The following PTK2 variants were observed in gnomAD, a reference collection of about 807,000 sequenced individuals.
PTK2 encodes protein tyrosine kinase 2.
Under a neutral mutation model 150.1 loss-of-function variants are expected in PTK2, and 45 were observed. The ratio of observed to expected loss-of-function variants is 0.30; its 90% CI spans 0.24 to 0.38. PTK2 has a LOEUF of 0.38. PTK2 is among the 10% of genes least tolerant of loss of function. The pLI is 1.00. For synonymous variants in PTK2, 432 were observed against 449.2 expected, an observed-to-expected ratio of 0.96 and a Z score of 0.48; for missense variants, 919 against 1,307.3, an observed-to-expected ratio of 0.70 and a Z score of 4.58.
At chr8:140,937,686 C>G (rs1314156785) in intron 1 of PTK2, among the ~76,000 whole-genome samples, 1 of 151,678 alleles carries the variant, frequency 6.6e-6, no homozygotes, top group Non-Finnish European at 1.5e-5. Flanking sequence ...TTTAATGTAA[C>G]TGCATATTCC....
chr8:140,690,866 G>A (rs1462092938), intron 26 of PTK2, among the ~76,000 whole-genome samples: 1 of 152,168 alleles, frequency 6.6e-6, no homozygotes, highest in Non-Finnish European at 1.5e-5. Flanking sequence ...TGGGAGCTGT[G>A]GCACCAGGTG....
intron 14 of PTK2, among the ~76,000 whole-genome samples, chr8:140,781,878 C>T (rs1413563054): frequency 6.6e-6 from 1 of 152,194 alleles, no homozygotes; most frequent in East Asian, 1.9e-4. Context: ...GAAGAACACC[C>T]CGATCTCAAC....
At chr8:140,676,765 T>TTAAA (rs1230591550) in intron 27 of PTK2, among the ~76,000 whole-genome samples, 1 of 55,580 alleles carries the variant, frequency 1.8e-5, no homozygotes, top group African/African-American at 8.5e-5. Context: ...GTCTCTACTT[T>TTAAA]AAAAAAAAAA....
At chr8:140,981,614 T>C (rs1268510448) in intron 1 of PTK2, among the ~76,000 whole-genome samples, 2 of 152,230 alleles carry the variant, frequency 1.3e-5, no homozygotes, top group Non-Finnish European at 2.9e-5. Flanking sequence ...TTACATCGTA[T>C]ATGGTTAAAG....
chr8:140,828,977 G>A (rs1370306793), intron 8 of PTK2, among the ~76,000 whole-genome samples: 1 of 152,106 alleles, frequency 6.6e-6, no homozygotes, highest in Non-Finnish European at 1.5e-5. Flanking sequence ...ATGGTCTGTG[G>A]GCTACTTGTA....
chr8:140,900,825 C>G (rs1460387115), intron 2 of PTK2, among the ~76,000 whole-genome samples: 3 of 151,610 alleles, frequency 2.0e-5, no homozygotes, highest in Non-Finnish European at 4.4e-5. Flanking sequence ...AAAATGACAA[C>G]AATACCCAAA....
At chr8:140,879,729 A>C (rs1345125704) in intron 3 of PTK2, 92 bp from the exon 4 acceptor site, 92 of 1,139,856 alleles carry the variant, frequency 8.1e-5, no homozygotes, top group East Asian at 1.7e-4. Flanking sequence ...CAAAACAAAA[A>C]AAAAACTATA....
chr8:140,869,708 A>G (rs1486791277), intron 4 of PTK2, among the ~76,000 whole-genome samples: 1 of 152,194 alleles, frequency 6.6e-6, no homozygotes, highest in Non-Finnish European at 1.5e-5. Context: ...TCATCAATTC[A>G]TACACAAAGA....
chr8:140,962,200 A>T (rs1412804477), intron 1 of PTK2, among the ~76,000 whole-genome samples: 1 of 148,196 alleles, frequency 6.7e-6, no homozygotes, highest in South Asian at 2.2e-4. Flanking sequence ...GCAACAGAGC[A>T]AGACTCTGTC....
At chr8:140,867,344 G>T (rs531657360) in intron 4 of PTK2, among the ~76,000 whole-genome samples, 2 of 152,170 alleles carry the variant, frequency 1.3e-5, no homozygotes, top group Non-Finnish European at 2.9e-5. Context: ...AGATTGGCAA[G>T]AGAATTTTAG....
intron 1 of PTK2, among the ~76,000 whole-genome samples, chr8:140,978,940 T>G (rs1325772487): frequency 6.6e-6 from 1 of 151,660 alleles, no homozygotes; most frequent in Admixed American, 6.6e-5. Flanking sequence ...TAAAAAAGGA[T>G]GAGTTCATGT....
chr8:140,774,681 A>G (rs552047107), intron 14 of PTK2, among the ~76,000 whole-genome samples: 1 of 152,342 alleles, frequency 6.6e-6, no homozygotes, highest in Admixed American at 6.5e-5. Flanking sequence ...AGTCATAATA[A>G]AGACCTTGCT....
At chr8:140,968,377 C>T (rs2100186037) in intron 1 of PTK2, among the ~76,000 whole-genome samples, 1 of 151,876 alleles carries the variant, frequency 6.6e-6, no homozygotes, top group African/African-American at 2.4e-5. Context: ...TCGAGTTGAT[C>T]CTGCCCAAAA....
intron 2 of PTK2, among the ~76,000 whole-genome samples, chr8:140,914,098 C>A (rs1291795907): frequency 1.3e-5 from 2 of 152,000 alleles, no homozygotes; most frequent in African/African-American, 4.8e-5. Context: ...AATAAAAATA[C>A]AAATGTATTT....
At chr8:140,797,597 AACTCTATATT>A (rs2154592213) in intron 12 of PTK2, among the ~76,000 whole-genome samples, 1 of 152,310 alleles carries the variant, frequency 6.6e-6, no homozygotes, top group South Asian at 2.1e-4. Context: ...ATGTAATTAC[AACTCTATATT>A]ACACTATACA....
intron 5 of PTK2, among the ~76,000 whole-genome samples, chr8:140,851,219 T>C (rs1400968072): frequency 6.6e-6 from 1 of 152,196 alleles, no homozygotes; most frequent in Non-Finnish European, 1.5e-5. Context: ...CTAACTTAAT[T>C]TTTCCTCTTT....
intron 28 of PTK2, 95 bp downstream of exon 31, chr8:140,675,365 T>C (rs1409408225): frequency 1.5e-6 from 2 of 1,341,406 alleles, no homozygotes; most frequent in African/African-American, 1.4e-5. Flanking sequence ...AAATTAACCA[T>C]GAGGGTATTC....
intron 2 of PTK2, among the ~76,000 whole-genome samples, chr8:140,899,370 C>G (rs1399113283): frequency 6.6e-6 from 1 of 152,158 alleles, no homozygotes; most frequent in Non-Finnish European, 1.5e-5. Flanking sequence ...AAGACTCTTA[C>G]AGAGACTATT....
intron 22 of PTK2, among the ~76,000 whole-genome samples, chr8:140,726,431 T>G (rs935780745): frequency 1.3e-5 from 2 of 152,086 alleles, no homozygotes; most frequent in Non-Finnish European, 2.9e-5. Context: ...TAAACACAAC[T>G]GACATTAAGA....
Sources: gnomAD v4.1 joint callset for allele counts (sites outside exome capture counted in the v4.1 genomes callset) on GRCh38, gnomAD v4.1.1 for gene constraint, MANE v1.5 for transcripts, NCBI Gene and HGNC (gene_info 2026-07-23, HGNC 2026-07-21) for gene names.